Variants in SERTAD1 observed in about 807,000 individuals in gnomAD.
SERTAD1 encodes the protein SERTA domain-containing protein 1.
In SERTAD1, 5 loss-of-function variants were observed where a neutral mutation model predicts 11.7. The ratio of observed to expected loss-of-function variants is 0.43; its 90% CI spans 0.22 to 0.90. SERTAD1 has a LOEUF of 0.90. Ranked by LOEUF, SERTAD1 falls within the 40% of genes least tolerant of loss-of-function variation. The pLI, the probability that SERTAD1 is intolerant of heterozygous loss-of-function variation, is 0.27. For missense variants in SERTAD1, 287 were observed against 313.9 expected (o/e 0.91, Z 0.65); for synonymous variants, 139 against 141.4 (o/e 0.98, Z 0.12).
At chr19:40,424,159 C>A (rs553123267) in intron 1 of SERTAD1, among the ~76,000 whole-genome samples, 2 of 151,828 alleles carry the variant, frequency 1.3e-5, no homozygotes, top group African/African-American at 4.8e-5. Context: ...GATCCTCCCC[C>A]CTCAGTCAAT....
At position 40,423,630 on chromosome 19, in the gene SERTAD1, C is replaced by A. The variant is rs147302450; in HGVS notation, c.1-84G>T. On this transcript the variant is annotated intron_variant, in intron 1 of 1. Coordinates refer to ENST00000357949, the MANE Select transcript of SERTAD1 (RefSeq NM_013376.4). The stretch of plus-strand genomic sequence containing the variant: ...CAAAGCCTGGATCTGACAGTTGCTG[C>A]AGGTAGGATCTTGGGGAAGTCACTT... 5.0e-4 allele frequency: 448 copies of A among 897,090 alleles called. 3 individuals carry two copies. The African/African-American group carries it at 6.8e-3, about 14-fold the overall frequency. The allele number at this position is 897,090 out of a possible 1,614,324, so 55.6% of individuals were successfully genotyped here.
In SERTAD1 at chr19:40,422,539, T is replaced by A. The variant is rs1163295272; in HGVS notation, c.*297A>T. 1 of 374,254 alleles carries A rather than the reference T, an allele frequency of 2.7e-6. No individual in the cohort carries two copies. Among genetic ancestry groups the A allele is most frequent in the Admixed American group, 4.4e-5 (1 of 22,872 alleles). The allele number at this position is 374,254 out of a possible 1,614,324, so 23.2% of individuals were successfully genotyped here. On this transcript the variant is annotated 3_prime_UTR_variant, in exon 2 of 2. Coordinates refer to ENST00000357949, the MANE Select transcript of SERTAD1 (RefSeq NM_013376.4). Reference sequence around the variant, plus strand: ...AGGACTGGCTTTAATTTGAAAAATCTGATTGGGGTCTCTTCCCGTATCAGA... The same window carrying A: ...AGGACTGGCTTTAATTTGAAAAATCAGATTGGGGTCTCTTCCCGTATCAGA...
At position 40,422,594 on chromosome 19, in the gene SERTAD1, G is replaced by A. The variant is rs1359956828; in HGVS notation, c.*242C>T. ...GAACAGCCCAAGCTATGACCCCAGG[G>A]CCAGGGAATTCAGTCCCCACCAGAC... On this transcript the variant is annotated 3_prime_UTR_variant, in exon 2 of 2. Transcript: ENST00000357949. The A allele has an allele frequency of 6.1e-6, 3 of 494,562 alleles. No homozygotes were observed. The highest frequency in any genetic ancestry group is 1.1e-5 in the Non-Finnish European group (3 of 281,526). The allele number at this position is 494,562 out of a possible 1,614,324, so 30.6% of individuals were successfully genotyped here.
At chr19:40,425,160 G>A (rs576396246) in intron 1 of SERTAD1, among the ~76,000 whole-genome samples, 1 of 152,158 alleles carries the variant, frequency 6.6e-6, no homozygotes, top group Non-Finnish European at 1.5e-5. Flanking sequence ...TCGGGAAATC[G>A]TGATCGGCAC....
In SERTAD1 at chr19:40,422,222, C is replaced by G. The variant is rs1465969962; in HGVS notation, c.*614G>C. 6.7e-6 allele frequency: 1 copy of G among 148,272 alleles called. No individual in the cohort carries two copies. The highest frequency in any genetic ancestry group is 6.8e-5 in the Admixed American group (1 of 14,720). 9.2% of individuals were successfully genotyped at this position (148,272 alleles called of 1,614,324 possible). On this transcript the variant is annotated 3_prime_UTR_variant, in exon 2 of 2. Transcript: ENST00000357949. Reference sequence around the variant, plus strand: ...AGTGAGCCATGATCAGACCACTGTACTTCAACCTGGGTGACAGAGCGAGAC... The same window carrying G: ...AGTGAGCCATGATCAGACCACTGTAGTTCAACCTGGGTGACAGAGCGAGAC...
chr19:40,423,012 T>C lies in SERTAD1; in HGVS notation c.535A>G (p.Thr179Ala). The change falls in exon 2 of 2, where the codon ACC becomes GCC. Residue 179 changes from threonine (T) to alanine (A), a missense_variant. Physicochemically the swap from Thr to Ala is moderately conservative, Grantham distance 58. Transcript: ENST00000357949. Reference protein sequence around the residue: ...GLEGLFEDIDTSMYDNELWAP... With the variant: ...GLEGLFEDIDASMYDNELWAP... ...CAAAGTTCATTGTCATACATAGAGGTGTCAATATCCTCAAACAGGCCCTCA... is the reference window on the plus strand; with the variant it reads ...CAAAGTTCATTGTCATACATAGAGGCGTCAATATCCTCAAACAGGCCCTCA... 2 of 1,578,746 alleles carry C rather than the reference T, an allele frequency of 1.3e-6. No individual in the cohort carries two copies. Among genetic ancestry groups the C allele is most frequent in the South Asian group, 1.1e-5 (1 of 87,148 alleles).
chr19:40,424,815 G>A (rs1416991720), intron 1 of SERTAD1, among the ~76,000 whole-genome samples: 3 of 152,246 alleles, frequency 2.0e-5, no homozygotes, highest in East Asian at 1.9e-4. Context: ...AGATTGGGGA[G>A]CAGCTAGGGG....
chr19:40,425,269 G>A (rs1053485809), intron 1 of SERTAD1, among the ~76,000 whole-genome samples: 2 of 152,008 alleles, frequency 1.3e-5, no homozygotes, highest in Admixed American at 6.6e-5. Context: ...ACTTTTTTGG[G>A]CCAGGAAGAC....
rs1197157331 is a variant in SERTAD1, at chr19:40,421,730, A to G, written c.*1106T>C. ...GGTTTTGTGTTTTTATTTCGGGACC[A>G]TTCTGAAAGCAATCTCCCCTTCGCT... is the stretch of plus-strand genomic sequence containing the variant. On this transcript the variant is annotated 3_prime_UTR_variant, in exon 2 of 2. Transcript: ENST00000357949. The G allele has an allele frequency of 6.6e-6, 1 of 152,126 alleles. No homozygotes were observed. The highest frequency in any genetic ancestry group is 1.5e-5 in the Non-Finnish European group (1 of 68,030). 9.4% of individuals were successfully genotyped at this position (152,126 alleles called of 1,614,324 possible).
intron 1 of SERTAD1, among the ~76,000 whole-genome samples, chr19:40,425,658 G>T (rs971711854): frequency 6.6e-6 from 1 of 152,164 alleles, no homozygotes; most frequent in Admixed American, 6.5e-5. Context: ...GGTGAGTCAC[G>T]CAGCCGGAGC....
rs904683479 is a variant in SERTAD1 at position 40,422,082 on chromosome 19, C to G, written c.*754G>C. The G allele has an allele frequency of 6.6e-6, 1 of 150,600 alleles. No individual in the cohort carries two copies. The allele number at this position is 150,600 out of a possible 1,614,324, so 9.3% of individuals were successfully genotyped here. A position where few individuals can be genotyped will look rare whatever the true frequency, so the allele number is the denominator to read the frequency against. On this transcript the variant is annotated 3_prime_UTR_variant, in exon 2 of 2. Coordinates refer to ENST00000357949, the MANE Select transcript of SERTAD1 (RefSeq NM_013376.4). Reference sequence around the variant, plus strand: ...TGGAGGTTGCAGTGAGCCGAAGTCACGCCACTGCACTCCAGCCTGGGCGAC... The same window carrying G: ...TGGAGGTTGCAGTGAGCCGAAGTCAGGCCACTGCACTCCAGCCTGGGCGAC...
At position 40,425,975 on chromosome 19, in the gene SERTAD1, G is replaced by A. The variant is rs1343693735; in HGVS notation, c.-109C>T. On this transcript the variant is annotated 5_prime_UTR_variant, in exon 1 of 2. Coordinates refer to ENST00000357949, the MANE Select transcript of SERTAD1 (RefSeq NM_013376.4). ...CTGTCCTCCGGAAACCCGCGCCTGG[G>A]TCGCGAGACGCAGTTCTGACTCCGG... 6.6e-6 allele frequency: 1 copy of A among 152,270 alleles called. No homozygotes were observed. The highest frequency in any genetic ancestry group is 2.4e-5 in the African/African-American group (1 of 41,460). 9.4% of individuals were successfully genotyped at this position (152,270 alleles called of 1,614,324 possible). A position where few individuals can be genotyped will look rare whatever the true frequency, so the allele number is the denominator to read the frequency against.
intron 1 of SERTAD1, 68 bp from the exon 2 acceptor site, chr19:40,423,614 G>A (rs2079606787): frequency 2.0e-5 from 21 of 1,033,132 alleles, no homozygotes; most frequent in Non-Finnish European, 3.0e-5. Flanking sequence ...TCAAAGCCTG[G>A]ATCTGACAGT....
rs2079600128 is a variant in SERTAD1, at chr19:40,422,105, GAC to G, written c.*729_*730del. 1 of 149,792 alleles carries G rather than the reference GAC, an allele frequency of 6.7e-6. No individual in the cohort carries two copies. The highest frequency in any genetic ancestry group is 2.5e-5 in the African/African-American group (1 of 40,560). The allele number at this position is 149,792 out of a possible 1,614,324, so 9.3% of individuals were successfully genotyped here. A position where few individuals can be genotyped will look rare whatever the true frequency, so the allele number is the denominator to read the frequency against. On this transcript the variant is annotated 3_prime_UTR_variant, in exon 2 of 2. Transcript: ENST00000357949. ...CACGCCACTGCACTCCAGCCTGGGC[GAC>G]AGAGTAAGAATCTGTCTTAAAAAAA...
chr19:40,425,160 G>C (rs576396246), intron 1 of SERTAD1, among the ~76,000 whole-genome samples: 3 of 152,158 alleles, frequency 2.0e-5, no homozygotes, highest in Non-Finnish European at 4.4e-5. Context: ...TCGGGAAATC[G>C]TGATCGGCAC....
In SERTAD1 at chr19:40,423,346, C is replaced by T. The variant is rs773874319; in HGVS notation, c.201G>A (p.Leu67=). The change falls in exon 2 of 2, where the codon CTG becomes CTA. Residue 67 remains leucine, a synonymous_variant. Coordinates refer to ENST00000357949, the MANE Select transcript of SERTAD1 (RefSeq NM_013376.4). The part of the protein sequence containing the change: ...LQQSEPDLRH[L]VLVVNTLRRI... ...GCCGCAGAGTGTTCACGACCAGCACCAGGTGCCGCAGGTCCGGCTCACTCT... is the reference window on the plus strand; with the variant it reads ...GCCGCAGAGTGTTCACGACCAGCACTAGGTGCCGCAGGTCCGGCTCACTCT... The T allele has an allele frequency of 9.9e-6, 16 of 1,613,036 alleles. No homozygotes were observed. In the South Asian group the frequency reaches 1.8e-4, roughly 18 times the overall value.
intron 1 of SERTAD1, among the ~76,000 whole-genome samples, chr19:40,424,662 G>A (rs1313553421): frequency 6.6e-6 from 1 of 152,146 alleles, no homozygotes; most frequent in Non-Finnish European, 1.5e-5. Flanking sequence ...GGCCAGAGAA[G>A]TCAGCCATGG....
intron 1 of SERTAD1, among the ~76,000 whole-genome samples, chr19:40,425,643 G>A (rs2079614047): frequency 6.6e-6 from 1 of 151,844 alleles, no homozygotes; most frequent in Non-Finnish European, 1.5e-5. Flanking sequence ...GCGGCGGCGG[G>A]GGCGGGTGAG....
rs916453589 is a variant in SERTAD1, at chr19:40,422,665, G to GC, written c.*170dup. ...GGGTAATTCCAGGCTCCCCCTGCCA[G>GC]CCCTGAGACAGGAGGACGGATGTGA... On this transcript the variant is annotated 3_prime_UTR_variant, in exon 2 of 2. Transcript: ENST00000357949. The GC allele has an allele frequency of 2.9e-6, 2 of 679,342 alleles. No homozygotes were observed. Among genetic ancestry groups the GC allele is most frequent in the Middle Eastern group, 4.1e-4 (1 of 2,422 alleles). 42.1% of individuals were successfully genotyped at this position (679,342 alleles called of 1,614,324 possible). A position where few individuals can be genotyped will look rare whatever the true frequency, so the allele number is the denominator to read the frequency against.
Sources: allele counts gnomAD v4.1 joint callset (sites outside exome capture counted in the v4.1 genomes callset), GRCh38; gene constraint gnomAD v4.1.1; transcripts MANE v1.5; gene names NCBI Gene and HGNC (gene_info 2026-07-23, HGNC 2026-07-21).